Variants in SEMA5A observed in about 807,000 individuals in gnomAD.
SEMA5A encodes semaphorin-5A.
Under a neutral mutation model 135.5 loss-of-function variants are expected in SEMA5A, and 55 were observed. The ratio of observed to expected loss-of-function variants is 0.41; its 90% CI spans 0.33 to 0.51. The LOEUF (loss-of-function observed/expected upper bound fraction) is 0.51. Among genes scored for constraint, SEMA5A ranks in the 20% least tolerant of loss-of-function variants. The pLI, the probability that SEMA5A is intolerant of heterozygous loss-of-function variation, is 0.37. For missense variants in SEMA5A, 1,290 were observed against 1,419.9 expected (o/e 0.91, Z 1.47); for synonymous variants, 580 against 546.5 (o/e 1.06, Z -0.85).
intron 11 of SEMA5A, among the ~76,000 whole-genome samples, chr5:9,177,501 G>A (rs896811692): frequency 1.6e-4 from 25 of 152,206 alleles, no homozygotes; most frequent in African/African-American, 6.0e-4. Context: ...TGGTGGAAAT[G>A]TATGTGTATT....
chr5:9,278,386 A>C (rs895707276), intron 5 of SEMA5A, among the ~76,000 whole-genome samples: 1 of 152,242 alleles, frequency 6.6e-6, no homozygotes, highest in African/African-American at 2.4e-5. Flanking sequence ...ATTATCTGAA[A>C]TTGGAACTTA....
intron 5 of SEMA5A, among the ~76,000 whole-genome samples, chr5:9,242,420 C>T (rs1466714311): frequency 6.6e-6 from 1 of 152,180 alleles, no homozygotes; most frequent in Non-Finnish European, 1.5e-5. Flanking sequence ...AGTGGATATT[C>T]AATGTGTTTG....
At chr5:9,217,195 CATTTGCTTATCTGAAGAGAATCTT>C (rs1746677764) in intron 8 of SEMA5A, among the ~76,000 whole-genome samples, 1 of 152,228 alleles carries the variant, frequency 6.6e-6, no homozygotes, top group Non-Finnish European at 1.5e-5. Flanking sequence ...AGTCACTCAA[CATTTGCTTATCTGAAGAGAATCTT>C]ATTTCTCCTT....
intron 4 of SEMA5A, among the ~76,000 whole-genome samples, chr5:9,324,974 T>C (rs1421823598): frequency 1.3e-5 from 2 of 152,230 alleles, no homozygotes; most frequent in East Asian, 1.9e-4. Flanking sequence ...GTGATCTCAT[T>C]AATCTTCATA....
intron 2 of SEMA5A, among the ~76,000 whole-genome samples, chr5:9,383,076 C>T (rs959225004): frequency 6.6e-6 from 1 of 152,210 alleles, no homozygotes; most frequent in African/African-American, 2.4e-5. Flanking sequence ...CCTGCCCAAG[C>T]ACAGAGCACT....
chr5:9,064,403 T>C (rs1336499760), intron 17 of SEMA5A, among the ~76,000 whole-genome samples: 3 of 152,178 alleles, frequency 2.0e-5, no homozygotes, highest in East Asian at 3.9e-4. Context: ...CAAATGCCCA[T>C]TGATGATAGA....
At chr5:9,302,629 A>G (rs1490478006) in intron 5 of SEMA5A, among the ~76,000 whole-genome samples, 1 of 152,200 alleles carries the variant, frequency 6.6e-6, no homozygotes, top group Non-Finnish European at 1.5e-5. Context: ...ATGATCTCAG[A>G]GCACAAGCAC....
intron 1 of SEMA5A, among the ~76,000 whole-genome samples, chr5:9,518,657 A>G (rs1281690781): frequency 2.0e-5 from 3 of 152,154 alleles, no homozygotes; most frequent in Admixed American, 6.5e-5. Flanking sequence ...TCTCCCATTT[A>G]TCTGTTTGAT....
At chr5:9,222,095 C>A (rs1387269840) in intron 8 of SEMA5A, among the ~76,000 whole-genome samples, 1 of 152,124 alleles carries the variant, frequency 6.6e-6, no homozygotes, top group Non-Finnish European at 1.5e-5. Flanking sequence ...TGCAGGCGGG[C>A]AGGAGTGGAA....
At chr5:9,211,087 C>T (rs1746323416) in intron 8 of SEMA5A, among the ~76,000 whole-genome samples, 2 of 152,156 alleles carry the variant, frequency 1.3e-5, no homozygotes, top group African/African-American at 4.8e-5. Flanking sequence ...TAGAAAAGGG[C>T]ATCTCATTGT....
intron 3 of SEMA5A, among the ~76,000 whole-genome samples, chr5:9,347,783 C>G (rs999011776): frequency 2.0e-5 from 3 of 152,260 alleles, no homozygotes; most frequent in African/African-American, 7.2e-5. Flanking sequence ...TCCAGACCTA[C>G]CGTTTCTCTA....
intron 16 of SEMA5A, among the ~76,000 whole-genome samples, chr5:9,079,953 T>C (rs1264173870): frequency 1.3e-5 from 2 of 152,180 alleles, no homozygotes; most frequent in Admixed American, 1.3e-4. Flanking sequence ...TTGGTGGGAA[T>C]GTAAATTAAT....
chr5:9,170,046 A>G (rs553430359), intron 11 of SEMA5A, among the ~76,000 whole-genome samples: 1 of 152,182 alleles, frequency 6.6e-6, no homozygotes, highest in South Asian at 2.1e-4. Flanking sequence ...TCAGTATTCC[A>G]TCTGGGAGGT....
At chr5:9,375,972 G>T (rs1561199100) in intron 3 of SEMA5A, among the ~76,000 whole-genome samples, 1 of 152,134 alleles carries the variant, frequency 6.6e-6, no homozygotes, top group Non-Finnish European at 1.5e-5. Context: ...CAACAGCCAA[G>T]AATGTGGGGA....
At chr5:9,240,754 A>C (rs1281396314) in intron 5 of SEMA5A, among the ~76,000 whole-genome samples, 1 of 152,058 alleles carries the variant, frequency 6.6e-6, no homozygotes, top group East Asian at 1.9e-4. Flanking sequence ...TTCATTTCTC[A>C]GTGAAAATTT....
At chr5:9,311,662 A>G (rs542367737) in intron 5 of SEMA5A, among the ~76,000 whole-genome samples, 55 of 152,096 alleles carry the variant, frequency 3.6e-4, no homozygotes, top group African/African-American at 1.3e-3. Flanking sequence ...GTTAATGGGT[A>G]CAGCACACCA....
intron 12 of SEMA5A, among the ~76,000 whole-genome samples, chr5:9,152,166 A>G (rs945935247): frequency 6.6e-6 from 1 of 152,186 alleles, no homozygotes; most frequent in Non-Finnish European, 1.5e-5. Context: ...ATGCACTCCC[A>G]TTCTGGCACC....
chr5:9,124,207 G>A lies in SEMA5A; in HGVS notation c.1600-1370C>T, dbSNP rs986279552. Among the ~76,000 whole-genome samples the A allele has an allele frequency of 2.0e-5, 3 of 152,122 alleles. No individual in the cohort carries two copies. In the South Asian group the frequency reaches 6.2e-4, roughly 31 times the overall value. ...TGTGGCACCTCTGAAGGCACTCAAG[G>A]GGAGGGCATGGCATCGCTGGGACAT... On this transcript the variant is annotated intron_variant, in intron 13 of 22. Coordinates refer to ENST00000382496, the MANE Select transcript of SEMA5A (RefSeq NM_003966.3).
At chr5:9,169,544 G>A (rs1033262586) in intron 11 of SEMA5A, among the ~76,000 whole-genome samples, 1 of 152,166 alleles carries the variant, frequency 6.6e-6, no homozygotes, top group Admixed American at 6.5e-5. Flanking sequence ...TAATGTTCAC[G>A]TGATGCAAAG....
Sources: allele counts gnomAD v4.1 joint callset (sites outside exome capture counted in the v4.1 genomes callset), GRCh38; gene constraint gnomAD v4.1.1; transcripts MANE v1.5; gene names NCBI Gene and HGNC (gene_info 2026-07-23, HGNC 2026-07-21).